Variants in BRSK1 observed in about 807,000 individuals in gnomAD.
BRSK1 encodes the protein serine/threonine-protein kinase BRSK1.
A neutral mutation model predicts 86.2 loss-of-function variants in BRSK1; 17 were observed. The ratio of observed to expected loss-of-function variants is 0.20; its 90% CI spans 0.14 to 0.30. BRSK1 has a LOEUF of 0.30. BRSK1 is among the 10% of genes least tolerant of loss of function. The probability of loss-of-function intolerance (pLI) is 1.00; values close to 1 mark genes in which losing one functional copy is unlikely to be tolerated. For synonymous variants in BRSK1, 464 were observed against 440.1 expected (o/e 1.05, Z -0.68); for missense variants, 719 against 1,071.9 (o/e 0.67, Z 4.60).
intron 18 of BRSK1, among the ~76,000 whole-genome samples, chr19:55,311,608 T>A (rs891026539): frequency 1.1e-4 from 16 of 152,058 alleles, no homozygotes; most frequent in Non-Finnish European, 2.4e-4. Flanking sequence ...ATAACCAGAA[T>A]CTGAGAGTCT....
intron 7 of BRSK1, among the ~76,000 whole-genome samples, chr19:55,295,629 T>C (rs534879893): frequency 3.0e-4 from 46 of 152,278 alleles, no homozygotes; most frequent in African/African-American, 1.1e-3. Context: ...CTTGATACAA[T>C]GACTGTTTAC....
At chr19:55,301,997 C>T (rs2088577948) in intron 8 of BRSK1, 140 bp from the exon 9 acceptor site, 1 of 1,030,020 alleles carries the variant, frequency 9.7e-7, no homozygotes, top group Non-Finnish European at 1.5e-6. Flanking sequence ...CACTAGAGGG[C>T]GATGTAATAT....
rs1012246435 is a variant in BRSK1, at chr19:55,310,318, G to A, written c.2179+1590G>A. Among the ~76,000 whole-genome samples, 2 of 152,058 alleles carry A rather than the reference G, an allele frequency of 1.3e-5. No individual in the cohort carries two copies. The highest frequency in any genetic ancestry group is 6.6e-5 in the Admixed American group (1 of 15,266). ...TTCCTAGGCGCTCTGGTTAAGGCCCGTTCCTCCATCTTCAAAGCCAGTGAC... is the reference window on the plus strand; with the variant it reads ...TTCCTAGGCGCTCTGGTTAAGGCCCATTCCTCCATCTTCAAAGCCAGTGAC... On this transcript the variant is annotated intron_variant, in intron 18 of 18. Transcript: ENST00000309383. The surrounding 1 kb of genome is among the most constrained non-coding windows in gnomAD (Gnocchi z 5.0).
intron 7 of BRSK1, among the ~76,000 whole-genome samples, chr19:55,296,875 GCATGGTGGCACCTGCCTGTAGTC>G (rs1242265339): frequency 1.3e-5 from 2 of 151,714 alleles, no homozygotes; most frequent in Non-Finnish European, 2.9e-5. Flanking sequence ...AATTAGCCAG[GCATGGTGGCACCTGCCTGTAGTC>G]CCAGTTACTC....
intron 8 of BRSK1, chr19:55,301,931 C>G: frequency 1.3e-6 from 1 of 794,500 alleles, no homozygotes; most frequent in South Asian, 1.5e-5. Flanking sequence ...CAAAGTAATG[C>G]GGCCGGTCCG....
At chr19:55,298,818 C>T in intron 7 of BRSK1, among the ~76,000 whole-genome samples, 1 of 152,186 alleles carries the variant, frequency 6.6e-6, no homozygotes, top group East Asian at 1.9e-4. Context: ...TCTGGTGTTC[C>T]TAAGCGCGGG....
chr19:55,303,897 T>C lies in BRSK1; in HGVS notation c.1286+71T>C. Reference sequence around the variant, plus strand: ...AGGAGTTCAAGATTCTAACCCCAGCTCTACCTCAAATGTGCTGTGTCCTTG... The same window carrying C: ...AGGAGTTCAAGATTCTAACCCCAGCCCTACCTCAAATGTGCTGTGTCCTTG... On this transcript the variant is annotated intron_variant, in intron 12 of 18. Transcript: ENST00000309383. This position sits in a 1 kb window ranked among gnomAD's most constrained non-coding sequence, Gnocchi z 5.1. 3 of 1,527,276 alleles carry C rather than the reference T, an allele frequency of 2.0e-6. No homozygotes were observed. The highest frequency in any genetic ancestry group is 2.6e-6 in the Non-Finnish European group (3 of 1,136,538). The allele number at this position is 1,527,276 out of a possible 1,614,324, so 94.6% of individuals were successfully genotyped here. A position where few individuals can be genotyped will look rare whatever the true frequency, so the allele number is the denominator to read the frequency against.
intron 7 of BRSK1, 39 bp from the exon 8 acceptor site, chr19:55,301,473 A>C: frequency 6.2e-7 from 1 of 1,603,900 alleles, no homozygotes; most frequent in East Asian, 2.2e-5. Context: ...GGTGAGGGTG[A>C]AATGTGCTAA....
At position 55,301,876 on chromosome 19, in the gene BRSK1, G is replaced by A. The variant is rs1365086673; in HGVS notation, c.825+218G>A. Among the ~76,000 whole-genome samples, 36 of 152,188 alleles carry A rather than the reference G, an allele frequency of 2.4e-4. 1 individual carries two copies. Among genetic ancestry groups the A allele is most frequent in the Admixed American group, 2.2e-3 (34 of 15,278 alleles). ...GGGCGGGGAGCTCCAGGCAGCGGGA[G>A]GGCGCAGGAGTAAGGAGGCGAACAG... On this transcript the variant is annotated intron_variant, in intron 8 of 18. Transcript: ENST00000309383.
intron 1 of BRSK1, among the ~76,000 whole-genome samples, chr19:55,286,783 C>G (rs759230796): frequency 6.6e-6 from 1 of 151,510 alleles, no homozygotes; most frequent in Non-Finnish European, 1.5e-5. Flanking sequence ...GGGCACCTGG[C>G]TGGATGGACA....
At chr19:55,298,730 G>A (rs1043525356) in intron 7 of BRSK1, among the ~76,000 whole-genome samples, 4 of 152,134 alleles carry the variant, frequency 2.6e-5, no homozygotes, top group South Asian at 2.1e-4. Context: ...TTCGTGTCAC[G>A]TTTTTCACAT....
chr19:55,284,161 A>C lies in BRSK1; in HGVS notation c.-282A>C. ...CCCCCCCGGCGGGGGGAGGCGCAGGAAGCGGGGGGCCGGCCAGAAACGGGC... is the reference window on the plus strand; with the variant it reads ...CCCCCCCGGCGGGGGGAGGCGCAGGCAGCGGGGGGCCGGCCAGAAACGGGC... On this transcript the variant is annotated 5_prime_UTR_variant, in exon 1 of 19. Coordinates refer to ENST00000309383, the MANE Select transcript of BRSK1 (RefSeq NM_032430.2). 9.7e-7 allele frequency: 1 copy of C among 1,030,378 alleles called. No homozygotes were observed. Among genetic ancestry groups the C allele is most frequent in the Non-Finnish European group, 1.2e-6 (1 of 808,556 alleles). 63.8% of individuals were successfully genotyped at this position (1,030,378 alleles called of 1,614,324 possible).
In BRSK1 at chr19:55,312,398, G is replaced by A. The variant is rs1442327809; in HGVS notation, c.*330G>A. The A allele has an allele frequency of 1.5e-5, 3 of 195,058 alleles. No individual in the cohort carries two copies. The highest frequency in any genetic ancestry group is 1.1e-4 in the East Asian group (1 of 8,728). 12.1% of individuals were successfully genotyped at this position (195,058 alleles called of 1,614,324 possible). On this transcript the variant is annotated 3_prime_UTR_variant, in exon 19 of 19. Coordinates refer to ENST00000309383, the MANE Select transcript of BRSK1 (RefSeq NM_032430.2). ...GGACAGGGCCCTCTGTCCCTGTGTC[G>A]TCCCCAACCCCCTCTTCCCGGGCCC...
At chr19:55,285,639 C>T (rs1039928059) in intron 1 of BRSK1, among the ~76,000 whole-genome samples, 14 of 152,104 alleles carry the variant, frequency 9.2e-5, no homozygotes, top group African/African-American at 2.9e-4. Flanking sequence ...CTGCAGCAGG[C>T]GCGTCTCCTG....
intron 3 of BRSK1, among the ~76,000 whole-genome samples, chr19:55,288,799 G>A (rs893287351): frequency 3.9e-5 from 6 of 152,040 alleles, no homozygotes; most frequent in African/African-American, 1.2e-4. Context: ...TGGTCAGGCT[G>A]GTCTTGAACT....
intron 4 of BRSK1, among the ~76,000 whole-genome samples, chr19:55,292,788 C>G (rs1600175288): frequency 1.3e-5 from 2 of 151,364 alleles, no homozygotes; most frequent in East Asian, 3.9e-4. Flanking sequence ...GAGCCGTAAT[C>G]GTGCCACTGC....
In BRSK1 at chr19:55,302,553, T is replaced by C. The variant is rs2088587705; in HGVS notation, c.858-144T>C. On this transcript the variant is annotated intron_variant, in intron 9 of 18. Transcript: ENST00000309383. This position sits in a 1 kb window ranked among gnomAD's most constrained non-coding sequence, Gnocchi z 6.3. ...CCTGGGTCTGAGATGGGGGGCGAGG[T>C]CTGGGGCGTCTGGATTCCTGGGTAT... is the stretch of plus-strand genomic sequence containing the variant. 1 of 1,082,326 alleles carries C rather than the reference T, an allele frequency of 9.2e-7. No homozygotes were observed. Among genetic ancestry groups the C allele is most frequent in the South Asian group, 1.6e-5 (1 of 63,984 alleles). The allele number at this position is 1,082,326 out of a possible 1,614,324, so 67.0% of individuals were successfully genotyped here.
intron 3 of BRSK1, among the ~76,000 whole-genome samples, chr19:55,289,243 T>C (rs968931092): frequency 6.6e-6 from 1 of 152,058 alleles, no homozygotes; most frequent in Non-Finnish European, 1.5e-5. Context: ...TAGAGGCTGG[T>C]GGAAACTGGA....
chr19:55,287,157 C>G lies in BRSK1; in HGVS notation c.231+56C>G, dbSNP rs2088330543. ...GTGGGGGGGCCTCCGGGGCTGAGGG[C>G]AGGGGCGGGGCCGTGCTGACCTCTT... is the stretch of plus-strand genomic sequence containing the variant. On this transcript the variant is annotated intron_variant, in intron 2 of 18. Coordinates refer to ENST00000309383, the MANE Select transcript of BRSK1 (RefSeq NM_032430.2). The surrounding 1 kb of genome is among the most constrained non-coding windows in gnomAD (Gnocchi z 5.3). The G allele has an allele frequency of 3.1e-6, 5 of 1,608,972 alleles. No homozygotes were observed. Among genetic ancestry groups the G allele is most frequent in the Non-Finnish European group, 4.3e-6 (5 of 1,175,722 alleles).
Sources: gnomAD v4.1 joint callset for allele counts (sites outside exome capture counted in the v4.1 genomes callset) on GRCh38, gnomAD v4.1.1 for gene constraint, Gnocchi (gnomAD v3.1) non-coding constraint, MANE v1.5 for transcripts, NCBI Gene and HGNC (gene_info 2026-07-23, HGNC 2026-07-21) for gene names.